The following ROBO2 variants were observed in gnomAD, a reference collection of about 807,000 sequenced individuals.
The protein encoded by ROBO2 is roundabout homolog 2.
Under a neutral mutation model 160.8 loss-of-function variants are expected in ROBO2, and 53 were observed. The ratio of observed to expected loss-of-function variants is 0.33; its 90% CI spans 0.26 to 0.41. ROBO2 has a LOEUF of 0.41. Among genes scored for constraint, ROBO2 ranks in the 10% least tolerant of loss-of-function variants. The pLI is 1.00. For synonymous variants in ROBO2, 664 were observed against 611.7 expected (o/e 1.09, Z -1.26); for missense variants, 1,577 against 1,722.4 (o/e 0.92, Z 1.49).
At chr3:77,050,833 A>C (rs2149690588) in intron 1 of ROBO2, among the ~76,000 whole-genome samples, 1 of 149,484 alleles carries the variant, frequency 6.7e-6, no homozygotes, top group Non-Finnish European at 1.5e-5. Flanking sequence ...ACATGGTGAA[A>C]CCCTATCTTT....
At chr3:76,286,979 A>C (rs1458839700) in intron 2 of ROBO2, among the ~76,000 whole-genome samples, 1 of 152,196 alleles carries the variant, frequency 6.6e-6, no homozygotes, top group African/African-American at 2.4e-5. Flanking sequence ...TAAGACCTTC[A>C]GTGTTCCAAA....
At chr3:77,548,174 C>A (rs1018247460) in intron 7 of ROBO2, among the ~76,000 whole-genome samples, 30 of 151,480 alleles carry the variant, frequency 2.0e-4, no homozygotes, top group Admixed American at 1.5e-3. Flanking sequence ...CACACACACA[C>A]AAAAAGGAGA....
chr3:76,906,290 A>C (rs555560596), intron 2 of ROBO2, among the ~76,000 whole-genome samples: 5 of 151,932 alleles, frequency 3.3e-5, no homozygotes, highest in Non-Finnish European at 4.4e-5. Context: ...CCAAATACGC[A>C]TAAGATATAT....
At chr3:77,053,416 G>A (rs2149707619) in intron 1 of ROBO2, among the ~76,000 whole-genome samples, 1 of 152,164 alleles carries the variant, frequency 6.6e-6, no homozygotes. Context: ...ACTTTCATCT[G>A]AATATGAGAA....
chr3:76,068,275 G>A (rs1001004003), intron 2 of ROBO2, among the ~76,000 whole-genome samples: 1 of 152,164 alleles, frequency 6.6e-6, no homozygotes, highest in African/African-American at 2.4e-5. Context: ...AGAGCAGAAG[G>A]AGACAGTGGG....
intron 3 of ROBO2, among the ~76,000 whole-genome samples, chr3:77,479,122 G>T (rs1447650780): frequency 1.3e-5 from 2 of 152,134 alleles, no homozygotes; most frequent in Non-Finnish European, 2.9e-5. Flanking sequence ...AAGATAAGTG[G>T]GCCCAACAAA....
At chr3:76,192,800 A>G (rs901211221) in intron 2 of ROBO2, among the ~76,000 whole-genome samples, 1 of 151,992 alleles carries the variant, frequency 6.6e-6, no homozygotes, top group Non-Finnish European at 1.5e-5. Context: ...CAATCTGTCT[A>G]TTTCATCTCT....
intron 2 of ROBO2, among the ~76,000 whole-genome samples, chr3:76,686,801 G>C (rs1222982428): frequency 6.6e-6 from 1 of 150,742 alleles, no homozygotes; most frequent in South Asian, 2.1e-4. Flanking sequence ...TCTCAAAAAA[G>C]AAAAAGAAAA....
intron 2 of ROBO2, among the ~76,000 whole-genome samples, chr3:76,781,061 C>T (rs566289481): frequency 1.3e-5 from 2 of 150,646 alleles, no homozygotes; most frequent in South Asian, 4.2e-4. Flanking sequence ...AAATATTTTT[C>T]TATTTATTTG....
chr3:76,985,396 C>G (rs1008067842), intron 2 of ROBO2, among the ~76,000 whole-genome samples: 141 of 151,584 alleles, frequency 9.3e-4, no homozygotes, highest in African/African-American at 3.1e-3. Context: ...TCCTGGCTAA[C>G]ACGGTGAAAC....
chr3:77,116,107 T>C (rs778102514), intron 2 of ROBO2, among the ~76,000 whole-genome samples: 1 of 152,332 alleles, frequency 6.6e-6, no homozygotes, highest in South Asian at 2.1e-4. Flanking sequence ...TGAAATGCTC[T>C]TTGTGCACCT....
At chr3:76,118,974 A>G (rs2070600624) in intron 2 of ROBO2, among the ~76,000 whole-genome samples, 1 of 152,184 alleles carries the variant, frequency 6.6e-6, no homozygotes, top group African/African-American at 2.4e-5. Context: ...TTCTTATAGA[A>G]AATCATCTAG....
chr3:77,144,452 C>T (rs1202076347), intron 2 of ROBO2, among the ~76,000 whole-genome samples: 3 of 152,202 alleles, frequency 2.0e-5, no homozygotes, highest in Non-Finnish European at 2.9e-5. Flanking sequence ...CCTGATTTCT[C>T]CCTCAGCAGC....
chr3:76,881,860 C>T (rs1475777308), intron 2 of ROBO2, among the ~76,000 whole-genome samples: 2 of 152,192 alleles, frequency 1.3e-5, no homozygotes, highest in South Asian at 2.1e-4. Flanking sequence ...CATCTGGTGG[C>T]TTTCATGCCT....
At chr3:76,879,094 A>G (rs1577210481) in intron 2 of ROBO2, among the ~76,000 whole-genome samples, 1 of 152,212 alleles carries the variant, frequency 6.6e-6, no homozygotes, top group East Asian at 1.9e-4. Context: ...TTTATTCAGC[A>G]AAAAGATTCA....
At chr3:77,454,048 A>G (rs2081371028) in intron 2 of ROBO2, among the ~76,000 whole-genome samples, 1 of 151,726 alleles carries the variant, frequency 6.6e-6, no homozygotes, top group African/African-American at 2.4e-5. Context: ...CTCATTAGAC[A>G]TTTTAAAAAA....
intron 2 of ROBO2, among the ~76,000 whole-genome samples, chr3:77,107,502 A>G (rs1383076259): frequency 6.6e-6 from 1 of 152,240 alleles, no homozygotes; most frequent in Admixed American, 6.5e-5. Context: ...TTAAAAACTA[A>G]CAAAAATATA....
At chr3:77,570,702 T>C (rs2093616617) in intron 13 of ROBO2, among the ~76,000 whole-genome samples, 1 of 152,014 alleles carries the variant, frequency 6.6e-6, no homozygotes, top group Non-Finnish European at 1.5e-5. Flanking sequence ...TGTAACTCTT[T>C]TATTGATGTA....
chr3:76,941,556 C>T (rs543834873), intron 2 of ROBO2, among the ~76,000 whole-genome samples: 2 of 152,222 alleles, frequency 1.3e-5, no homozygotes, highest in Admixed American at 6.5e-5. Context: ...ACTGAGTCAT[C>T]GTGCATGTTG....
Sources: allele counts gnomAD v4.1 joint callset (sites outside exome capture counted in the v4.1 genomes callset), GRCh38; gene constraint gnomAD v4.1.1; transcripts MANE v1.5; gene names NCBI Gene and HGNC (gene_info 2026-07-23, HGNC 2026-07-21).